GATA4: variants seen among roughly 807,000 people sequenced by gnomAD.
GATA4 encodes GATA binding protein 4, also known as transcription factor GATA-4.
Under a neutral mutation model 37.9 loss-of-function variants are expected in GATA4, and 7 were observed. The ratio of observed to expected loss-of-function variants is 0.18; its 90% CI spans 0.11 to 0.35. GATA4 has a LOEUF of 0.35. Among genes scored for constraint, GATA4 ranks in the 10% least tolerant of loss-of-function variants. The pLI is 1.00. For missense variants in GATA4, 647 were observed against 653.0 expected (o/e 0.99, Z 0.10); for synonymous variants, 372 against 292.6 (o/e 1.27, Z -2.77).
At chr8:11,699,875 C>T (rs543224157), upstream of GATA4, among the ~76,000 whole-genome samples, 7 of 152,270 alleles carry the variant, frequency 4.6e-5, no homozygotes, top group South Asian at 1.5e-3. Flanking sequence ...AAATGTTAAA[C>T]ATGCTCATTA....
At chr8:11,692,885 C>T (rs1799366662) in intron 1 of GATA4, 5 of 982,624 alleles carry the variant, frequency 5.1e-6, no homozygotes, top group Admixed American at 6.2e-5. Context: ...GCGCCGCCCG[C>T]CGCCCCGCGC....
At position 11,759,018 on chromosome 8, in the gene GATA4, G is replaced by C; in HGVS notation, c.*543G>C. 5.5e-6 allele frequency: 1 copy of C among 181,252 alleles called. No individual in the cohort carries two copies. The highest frequency in any genetic ancestry group is 1.2e-5 in the Non-Finnish European group (1 of 84,590). 11.2% of individuals were successfully genotyped at this position (181,252 alleles called of 1,614,324 possible). ...TGTGGGGTGTGACATACAAGTGACT[G>C]AACACTTCCTGGGGAGCTACAGGGG... On this transcript the variant is annotated 3_prime_UTR_variant, in exon 7 of 7. Transcript: ENST00000532059.
upstream of GATA4, among the ~76,000 whole-genome samples, chr8:11,687,934 G>C (rs573649340): frequency 2.4e-4 from 36 of 152,274 alleles, no homozygotes; most frequent in African/African-American, 7.2e-4. Context: ...TGAGTTCATG[G>C]AAAATGACCA....
intron 1 of GATA4, among the ~76,000 whole-genome samples, chr8:11,687,330 C>CCCA (rs1232012322): frequency 6.6e-6 from 1 of 152,122 alleles, no homozygotes; most frequent in African/African-American, 2.4e-5. Flanking sequence ...ACCCTCCCCC[C>CCCA]GCAGAGAATT....
chr8:11,724,431 C>A (rs991015545), intron 2 of GATA4, among the ~76,000 whole-genome samples: 5 of 152,250 alleles, frequency 3.3e-5, no homozygotes, highest in African/African-American at 9.6e-5. Flanking sequence ...TTCATGGCAT[C>A]TTTACATCTG....
At chr8:11,754,140 G>C (rs1802438767) in intron 4 of GATA4, among the ~76,000 whole-genome samples, 1 of 152,208 alleles carries the variant, frequency 6.6e-6, no homozygotes, top group African/African-American at 2.4e-5. Flanking sequence ...AATAAGTAGA[G>C]TGATGTTACA....
intron 2 of GATA4, among the ~76,000 whole-genome samples, chr8:11,737,754 G>T (rs1246416190): frequency 2.0e-5 from 3 of 152,206 alleles, no homozygotes; most frequent in East Asian, 3.8e-4. Context: ...TGTAGGAAAG[G>T]AAGGTGGGAG....
At chr8:11,679,765 T>C (rs1416021299) in intron 1 of GATA4, among the ~76,000 whole-genome samples, 1 of 151,828 alleles carries the variant, frequency 6.6e-6, no homozygotes, top group Non-Finnish European at 1.5e-5. Context: ...AGGGGCGAGG[T>C]TGGGATCGGG....
intron 6 of GATA4, among the ~76,000 whole-genome samples, chr8:11,757,582 G>C (rs370287853): frequency 1.3e-5 from 2 of 152,214 alleles, no homozygotes; most frequent in African/African-American, 4.8e-5. Flanking sequence ...GGAAGGAGGA[G>C]GAAGCTGGCA....
At chr8:11,735,905 G>T (rs1333117750) in intron 2 of GATA4, among the ~76,000 whole-genome samples, 1 of 149,600 alleles carries the variant, frequency 6.7e-6, no homozygotes, top group Non-Finnish European at 1.5e-5. Context: ...CCGTTTGCCT[G>T]TTTGAAAAAA....
chr8:11,705,626 C>G (rs542588121), intron 1 of GATA4, among the ~76,000 whole-genome samples: 1 of 152,362 alleles, frequency 6.6e-6, no homozygotes, highest in South Asian at 2.1e-4. Context: ...TCTCCGCCAA[C>G]TGCAGGATCC....
chr8:11,737,343 T>A (rs903051318), intron 2 of GATA4, among the ~76,000 whole-genome samples: 4 of 152,184 alleles, frequency 2.6e-5, no homozygotes, highest in African/African-American at 9.6e-5. Context: ...AGTTGTTTCC[T>A]CCTGACGGCA....
intron 2 of GATA4, among the ~76,000 whole-genome samples, chr8:11,718,049 T>G (rs1800514066): frequency 1.3e-5 from 2 of 152,184 alleles, no homozygotes; most frequent in African/African-American, 4.8e-5. Context: ...CCCTTTTCTC[T>G]GAAGATTTCA....
intron 2 of GATA4, among the ~76,000 whole-genome samples, chr8:11,733,222 C>T (rs1402340105): frequency 6.6e-6 from 1 of 152,008 alleles, no homozygotes; most frequent in African/African-American, 2.4e-5. Flanking sequence ...CAAACTCCCT[C>T]AAACAAATCT....
At chr8:11,748,467 G>A (rs1265878391) in intron 2 of GATA4, among the ~76,000 whole-genome samples, 1 of 152,018 alleles carries the variant, frequency 6.6e-6, no homozygotes, top group African/African-American at 2.4e-5. Flanking sequence ...GTGACAATCT[G>A]GATTTTCTTT....
chr8:11,690,908 C>T (rs781504329), upstream of GATA4, among the ~76,000 whole-genome samples: 1 of 152,176 alleles, frequency 6.6e-6, no homozygotes, highest in African/African-American at 2.4e-5. Flanking sequence ...AAGAAGATAC[C>T]CTGCACAATA....
chr8:11,734,838 C>T (rs1365582229), intron 2 of GATA4, among the ~76,000 whole-genome samples: 2 of 152,180 alleles, frequency 1.3e-5, no homozygotes, highest in Admixed American at 6.5e-5. Flanking sequence ...GGGCTCCGTC[C>T]GATGGCCTGT....
rs367645448 is a variant in GATA4, at chr8:11,681,434, G to T, written c.-274+4371G>T. On this transcript the variant is annotated intron_variant, in intron 1 of 6. Coordinates refer to the GATA4 transcript ENST00000528712. The stretch of plus-strand genomic sequence containing the variant: ...GGCTCAACTCGGGGGCCGTAGCTAC[G>T]ATCCCCGCGCAGACGCCGGAATCCG... The T allele has an allele frequency of 2.8e-4, 273 of 983,280 alleles. 3 individuals carry two copies. The South Asian group carries it at 0.012, about 42-fold the overall frequency. The allele number at this position is 983,280 out of a possible 1,614,324, so 60.9% of individuals were successfully genotyped here.
At chr8:11,731,523 C>T (rs1034268262) in intron 2 of GATA4, among the ~76,000 whole-genome samples, 4 of 152,120 alleles carry the variant, frequency 2.6e-5, no homozygotes, top group African/African-American at 9.7e-5. Context: ...CCCCCAGAGC[C>T]GTCAAATTCA....
Sources: gnomAD v4.1 joint callset for allele counts (sites outside exome capture counted in the v4.1 genomes callset) on GRCh38, gnomAD v4.1.1 for gene constraint, MANE v1.5 for transcripts, NCBI Gene and HGNC (gene_info 2026-07-23, HGNC 2026-07-21) for gene names.